Variants in CRACR2A observed in about 807,000 individuals in gnomAD.
The protein encoded by CRACR2A is EF-hand calcium-binding domain-containing protein 4B.
CRACR2A carries 79 observed loss-of-function variants against 90.5 expected under a neutral mutation model. That is an observed-to-expected ratio of 0.87 (90% CI 0.73 to 1.05). The LOEUF (loss-of-function observed/expected upper bound fraction) is 1.05. Among genes scored for constraint, CRACR2A ranks in the 50% least tolerant of loss-of-function variants. The pLI is 0.00. For missense variants in CRACR2A, 823 were observed against 897.2 expected, an observed-to-expected ratio of 0.92 and a Z score of 1.06; for synonymous variants, 338 against 356.7, an observed-to-expected ratio of 0.95 and a Z score of 0.59.
chr12:3,673,540 A>C lies in CRACR2A; in HGVS notation c.577T>G (p.Leu193Val). The C allele has an allele frequency of 2.5e-6, 4 of 1,614,010 alleles. No homozygotes were observed. The highest frequency in any genetic ancestry group is 3.4e-6 in the Non-Finnish European group (4 of 1,180,006). The change falls in exon 7 of 20, where the codon TTA becomes GTA. Residue 193 changes from leucine (L) to valine (V), a missense_variant. Leu to Val is a conservative substitution (Grantham distance 32). Transcript: ENST00000440314. ...AGGAAGTCTTCAAAGTTGGACAGTA[A>C]ATGAGGTTCCTCCTTCTTCAGCTGC... The part of the protein sequence containing the change: ...WLQLKKEEPH[L>V]LSNFEDFLTR...
intron 1 of CRACR2A, among the ~76,000 whole-genome samples, chr12:3,749,455 G>T (rs1946672879): frequency 6.6e-6 from 1 of 152,184 alleles, no homozygotes. Context: ...TTCTGCCCAT[G>T]CCACTGAGCT....
intron 17 of CRACR2A, among the ~76,000 whole-genome samples, chr12:3,624,613 AT>A (rs1944220458): frequency 6.6e-6 from 1 of 152,212 alleles, no homozygotes; most frequent in Non-Finnish European, 1.5e-5. Context: ...TGCCTGGTCT[AT>A]CATACTGAGT....
At chr12:3,677,028 G>A (rs917850517) in intron 6 of CRACR2A, among the ~76,000 whole-genome samples, 1 of 152,122 alleles carries the variant, frequency 6.6e-6, no homozygotes, top group Admixed American at 6.5e-5. Context: ...AGCTCACTAA[G>A]CTGCCAAATC....
At chr12:3,638,520 A>C in intron 13 of CRACR2A, 66 bp from the exon 14 acceptor site, 1 of 1,453,524 alleles carries the variant, frequency 6.9e-7, no homozygotes, top group Non-Finnish European at 9.1e-7. Flanking sequence ...CGGGCTGCAT[A>C]ACAGCTTTTG....
chr12:3,649,856 G>A (rs1225926009), intron 10 of CRACR2A, among the ~76,000 whole-genome samples: 1 of 134,596 alleles, frequency 7.4e-6, no homozygotes, highest in Non-Finnish European at 1.5e-5. Context: ...ATGAAGGAAG[G>A]AGAAAAAGGA....
intron 4 of CRACR2A, among the ~76,000 whole-genome samples, chr12:3,690,138 T>C (rs1264682947): frequency 1.3e-5 from 2 of 152,076 alleles, no homozygotes; most frequent in African/African-American, 4.8e-5. Flanking sequence ...TTTCTAATGG[T>C]TTTTCGTGTT....
chr12:3,664,418 T>C (rs1469431670), intron 7 of CRACR2A, among the ~76,000 whole-genome samples: 1 of 152,244 alleles, frequency 6.6e-6, no homozygotes, highest in African/African-American at 2.4e-5. Context: ...AGCAAATTTG[T>C]TAAAGTCTAA....
chr12:3,633,796 G>A lies in CRACR2A; in HGVS notation c.1603-60C>T. On this transcript the variant is annotated intron_variant, in intron 14 of 19. Transcript: ENST00000440314. The surrounding 1 kb of genome is among the most constrained non-coding windows in gnomAD (Gnocchi z 4.5). ...AATAGTCTTGCCAGCCCCTGCCCCT[G>A]CCACCAGAGGCCCTTTACCCATCCC... 1 of 1,546,176 alleles carries A rather than the reference G, an allele frequency of 6.5e-7. No individual in the cohort carries two copies. The highest frequency in any genetic ancestry group is 1.2e-5 in the South Asian group (1 of 83,810).
In CRACR2A at chr12:3,633,354, G is replaced by C. The variant is rs891839671; in HGVS notation, c.1735+250C>G. On this transcript the variant is annotated intron_variant, in intron 15 of 19. Transcript: ENST00000440314. This position sits in a 1 kb window ranked among gnomAD's most constrained non-coding sequence, Gnocchi z 4.5. ...CCAAATTTAGTTCCATAAACCCAAG[G>C]TTGGACTTACAAAGTACTCAGGGGT... Among the ~76,000 whole-genome samples the C allele has an allele frequency of 6.6e-6, 1 of 152,132 alleles. No homozygotes were observed. The highest frequency in any genetic ancestry group is 2.4e-5 in the African/African-American group (1 of 41,424).
intron 9 of CRACR2A, 110 bp from the exon 10 acceptor site, chr12:3,654,509 C>A: frequency 9.6e-7 from 1 of 1,042,374 alleles, no homozygotes; most frequent in Non-Finnish European, 1.4e-6. Flanking sequence ...ACCGTCACTG[C>A]CACCCCTCAC....
intron 7 of CRACR2A, among the ~76,000 whole-genome samples, chr12:3,661,762 A>C (rs1003705922): frequency 4.6e-5 from 7 of 152,246 alleles, no homozygotes; most frequent in African/African-American, 1.7e-4. Flanking sequence ...ATATCAAGGA[A>C]AACTTTAGAC....
chr12:3,714,118 T>A (rs1256275391), intron 2 of CRACR2A, among the ~76,000 whole-genome samples: 2 of 152,212 alleles, frequency 1.3e-5, no homozygotes, highest in Non-Finnish European at 2.9e-5. Context: ...TATGCACAAT[T>A]CATGGGAGGC....
intron 1 of CRACR2A, among the ~76,000 whole-genome samples, chr12:3,752,263 T>C (rs1431865342): frequency 6.6e-6 from 1 of 152,152 alleles, no homozygotes; most frequent in African/African-American, 2.4e-5. Context: ...TCAGAGGGCT[T>C]TCCCACGTGG....
intron 7 of CRACR2A, among the ~76,000 whole-genome samples, chr12:3,666,864 G>A (rs1398504136): frequency 6.6e-6 from 1 of 152,250 alleles, no homozygotes; most frequent in Non-Finnish European, 1.5e-5. Context: ...AGGCAGGGGT[G>A]TGCTGAAATC....
At chr12:3,653,195 C>A (rs185754718) in intron 10 of CRACR2A, among the ~76,000 whole-genome samples, 150 of 152,064 alleles carry the variant, frequency 9.9e-4, no homozygotes, top group African/African-American at 3.0e-3. Context: ...GTTGGTCAGG[C>A]TGGTCTTGAA....
intron 13 of CRACR2A, among the ~76,000 whole-genome samples, chr12:3,639,822 TA>T (rs1290540536): frequency 1.3e-5 from 2 of 151,736 alleles, no homozygotes; most frequent in Non-Finnish European, 2.9e-5. Flanking sequence ...CTTTGACTTA[TA>T]AAAACAGTTT....
At chr12:3,650,743 A>G (rs1944780579) in intron 10 of CRACR2A, among the ~76,000 whole-genome samples, 1 of 152,104 alleles carries the variant, frequency 6.6e-6, no homozygotes, top group Non-Finnish European at 1.5e-5. Context: ...GTTCTCACGG[A>G]GCGTTTTACC....
intron 1 of CRACR2A, among the ~76,000 whole-genome samples, chr12:3,734,710 G>T (rs534496877): frequency 1.4e-4 from 21 of 152,022 alleles, no homozygotes; most frequent in Non-Finnish European, 2.8e-4. Flanking sequence ...TACCATTTGC[G>T]ACAGCAGGGG....
At chr12:3,618,200 G>T (rs1041960221) in intron 18 of CRACR2A, among the ~76,000 whole-genome samples, 62 of 151,390 alleles carry the variant, frequency 4.1e-4, no homozygotes, top group African/African-American at 1.5e-3. Context: ...AAAGAGAATG[G>T]ATAGAATCTT....
Sources: gnomAD v4.1 joint callset for allele counts (sites outside exome capture counted in the v4.1 genomes callset) on GRCh38, gnomAD v4.1.1 for gene constraint, Gnocchi (gnomAD v3.1) non-coding constraint, MANE v1.5 for transcripts, NCBI Gene and HGNC (gene_info 2026-07-23, HGNC 2026-07-21) for gene names.